Variants in DENND2C observed in about 807,000 individuals in gnomAD.
The protein encoded by DENND2C is DENN domain-containing protein 2C.
A neutral mutation model predicts 112.4 loss-of-function variants in DENND2C; 72 were observed. The ratio of observed to expected loss-of-function variants is 0.64; its 90% CI spans 0.53 to 0.78. The LOEUF (loss-of-function observed/expected upper bound fraction) is 0.78, where lower values mean the gene tolerates loss of function less well. Among genes scored for constraint, DENND2C ranks in the 30% least tolerant of loss-of-function variants. The pLI is 0.00. For synonymous variants in DENND2C, 329 were observed against 381.6 expected, an observed-to-expected ratio of 0.86 and a Z score of 1.61; for missense variants, 992 against 1,113.8, an observed-to-expected ratio of 0.89 and a Z score of 1.56.
At chr1:114,597,305 G>A (rs914694699) in intron 16 of DENND2C, among the ~76,000 whole-genome samples, 12 of 150,488 alleles carry the variant, frequency 8.0e-5, no homozygotes, top group African/African-American at 1.7e-4. Flanking sequence ...TTAGCCGGGC[G>A]TGGTAGCAGG....
At chr1:114,595,589 C>A in intron 17 of DENND2C, 2 of 412,536 alleles carry the variant, frequency 4.8e-6, no homozygotes, top group Non-Finnish European at 8.7e-6. Context: ...GGTGGTTTTA[C>A]CTCTTTTGAG....
chr1:114,608,737 T>C lies in DENND2C; in HGVS notation c.1506A>G (p.Lys502=). Residue 502 remains lysine, a synonymous_variant, in exon 10 of 21, where the codon AAA becomes AAG. Coordinates refer to ENST00000393274, the MANE Select transcript of DENND2C (RefSeq NM_001256404.2). ...ELFVVVSLQK[K]PSGISYIPQV... is the part of the protein sequence containing the mutation. The stretch of plus-strand genomic sequence containing the variant: ...GGGGAATATAGCTTATTCCTGATGG[T>C]TTCTTCTGTAGAGACACCACCACAA... 1 of 1,614,124 alleles carries C rather than the reference T, an allele frequency of 6.2e-7. No individual in the cohort carries two copies. The highest frequency in any genetic ancestry group is 1.3e-5 in the African/African-American group (1 of 75,042).
At chr1:114,615,605 T>C (rs545644367) in intron 8 of DENND2C, among the ~76,000 whole-genome samples, 15 of 152,300 alleles carry the variant, frequency 9.8e-5, no homozygotes, top group East Asian at 3.9e-4. Context: ...CCAGAGAAGA[T>C]TGAAACATGT....
intron 1 of DENND2C, among the ~76,000 whole-genome samples, chr1:114,667,415 G>T (rs1036422795): frequency 1.3e-5 from 2 of 152,118 alleles, no homozygotes; most frequent in Non-Finnish European, 2.9e-5. Context: ...TACAGTCTGA[G>T]AACAGATATT....
chr1:114,608,475 T>C (rs1461403692), intron 10 of DENND2C, among the ~76,000 whole-genome samples: 1 of 152,176 alleles, frequency 6.6e-6, no homozygotes, highest in Non-Finnish European at 1.5e-5. Context: ...TTTAAAAAAC[T>C]AACTAGGAAA....
chr1:114,621,907 T>C lies in DENND2C; in HGVS notation c.1215A>G (p.Lys405=), dbSNP rs1656175311. ...RAGEVANTKR[K]NLPRLVLKID... is the part of the protein sequence containing the mutation. ...CTGGAGTCTTTACCCTTGGAAGATT[T>C]TTCCTTTTCGTGTTTGCAACTTCAC... Residue 405 remains lysine (K), a synonymous_variant, in exon 7 of 21, where the codon AAA becomes AAG. Coordinates refer to ENST00000393274, the MANE Select transcript of DENND2C (RefSeq NM_001256404.2). The C allele has an allele frequency of 6.4e-7, 1 of 1,550,514 alleles. No individual in the cohort carries two copies. Among genetic ancestry groups the C allele is most frequent in the African/African-American group, 1.4e-5 (1 of 73,050 alleles).
chr1:114,648,376 C>T (rs1292112572), intron 2 of DENND2C, among the ~76,000 whole-genome samples: 1 of 152,146 alleles, frequency 6.6e-6, no homozygotes, highest in Non-Finnish European at 1.5e-5. Context: ...TCAGCAGGGC[C>T]TCAAAGGCCA....
chr1:114,600,795 A>C (rs1390737518), intron 14 of DENND2C, 25 bp downstream of exon 14: 5 of 1,604,500 alleles, frequency 3.1e-6, no homozygotes, highest in Non-Finnish European at 4.3e-6. Context: ...GTGCTATCAA[A>C]TCTTTTCAAA....
At chr1:114,596,536 TTAAA>T (rs1457927073) in intron 16 of DENND2C, among the ~76,000 whole-genome samples, 2 of 152,188 alleles carry the variant, frequency 1.3e-5, no homozygotes, top group African/African-American at 2.4e-5. Context: ...GAGTTTATGT[TTAAA>T]TATGCCCTTA....
At chr1:114,596,989 T>C (rs1466644113) in intron 16 of DENND2C, among the ~76,000 whole-genome samples, 2 of 152,046 alleles carry the variant, frequency 1.3e-5, no homozygotes, top group Admixed American at 1.3e-4. Flanking sequence ...ATGAAGTTAA[T>C]ATAAAGTAAC....
chr1:114,607,573 T>C (rs1346806280), intron 10 of DENND2C, among the ~76,000 whole-genome samples: 1 of 152,218 alleles, frequency 6.6e-6, no homozygotes, highest in African/African-American at 2.4e-5. Flanking sequence ...ACCATGTCTG[T>C]GGGCTTAACT....
In DENND2C at chr1:114,625,248, G is replaced by A. The variant is rs367827589; in HGVS notation, c.737C>T (p.Ser246Phe). The A allele has an allele frequency of 6.2e-7, 1 of 1,614,056 alleles. No homozygotes were observed. The highest frequency in any genetic ancestry group is 8.5e-7 in the Non-Finnish European group (1 of 1,179,994). The change falls in exon 4 of 21, where the codon TCT becomes TTT. Residue 246 changes from serine (S) to phenylalanine (F), a missense_variant. Coordinates refer to ENST00000393274, the MANE Select transcript of DENND2C (RefSeq NM_001256404.2). ...KYCENNSCAQ[S>F]SLASSQEPEP... ...AGGTTCCTGAGAAGAGGCCAAAGAA[G>A]ATTGTGCACAAGAGTTATTTTCACA... is the stretch of plus-strand genomic sequence containing the variant.
intron 3 of DENND2C, among the ~76,000 whole-genome samples, chr1:114,643,152 T>C (rs1656892093): frequency 6.6e-6 from 1 of 152,148 alleles, no homozygotes; most frequent in Non-Finnish European, 1.5e-5. Flanking sequence ...AGTAAATGCT[T>C]CTGCAATGCT....
intron 3 of DENND2C, among the ~76,000 whole-genome samples, chr1:114,626,590 C>A (rs1389159799): frequency 6.8e-6 from 1 of 146,680 alleles, no homozygotes; most frequent in African/African-American, 2.5e-5. Flanking sequence ...TGGCTCACTG[C>A]AACCTCTGCC....
At chr1:114,637,651 G>A (rs1656694311) in intron 3 of DENND2C, among the ~76,000 whole-genome samples, 1 of 151,742 alleles carries the variant, frequency 6.6e-6, no homozygotes, top group Non-Finnish European at 1.5e-5. Flanking sequence ...CAAGACTGCA[G>A]GTGTATGCCA....
intron 8 of DENND2C, among the ~76,000 whole-genome samples, chr1:114,612,319 C>A (rs929508797): frequency 6.6e-6 from 1 of 150,590 alleles, no homozygotes; most frequent in African/African-American, 2.4e-5. Context: ...CTGTTACAAT[C>A]TGTTTGTGGG....
At chr1:114,609,471 T>G (rs1482581578) in intron 9 of DENND2C, among the ~76,000 whole-genome samples, 3 of 152,226 alleles carry the variant, frequency 2.0e-5, no homozygotes, top group African/African-American at 4.8e-5. Context: ...AGAAAAAAAT[T>G]AAGTGGAAGA....
intron 1 of DENND2C, among the ~76,000 whole-genome samples, chr1:114,657,395 T>C (rs1657364344): frequency 6.6e-6 from 1 of 152,202 alleles, no homozygotes; most frequent in Admixed American, 6.5e-5. Flanking sequence ...AAAACATTGG[T>C]AATCAAGCGT....
intron 1 of DENND2C, among the ~76,000 whole-genome samples, chr1:114,658,729 C>T (rs941022198): frequency 1.3e-5 from 2 of 151,774 alleles, no homozygotes; most frequent in African/African-American, 2.4e-5. Context: ...AAAGGTGCTA[C>T]GACTCACAAG....
Sources: gnomAD v4.1 joint callset for allele counts (sites outside exome capture counted in the v4.1 genomes callset) on GRCh38, gnomAD v4.1.1 for gene constraint, MANE v1.5 for transcripts, NCBI Gene and HGNC (gene_info 2026-07-23, HGNC 2026-07-21) for gene names.